The following UBE2E1 variants were observed in gnomAD, a reference collection of about 807,000 sequenced individuals.
The protein encoded by UBE2E1 is ubiquitin-conjugating enzyme E2 E1.
UBE2E1 carries 6 observed loss-of-function variants against 21.4 expected under a neutral mutation model. The observed-to-expected ratio is 0.28, with a 90% confidence interval of 0.15 to 0.55. The LOEUF is 0.55. Ranked by LOEUF, UBE2E1 falls within the 20% of genes least tolerant of loss-of-function variation. UBE2E1 has a pLI of 0.93. For missense variants in UBE2E1, 142 were observed against 236.5 expected (o/e 0.60, Z 2.62); for synonymous variants, 87 against 82.7 (o/e 1.05, Z -0.28).
intron 3 of UBE2E1, among the ~76,000 whole-genome samples, chr3:23,859,953 C>T (rs184148233): frequency 3.5e-4 from 54 of 152,246 alleles, no homozygotes; most frequent in African/African-American, 1.3e-3. Flanking sequence ...CTAACAGTCC[C>T]GACTGCTGGA....
chr3:23,880,152 G>T (rs1458132773), intron 3 of UBE2E1, among the ~76,000 whole-genome samples: 1 of 152,232 alleles, frequency 6.6e-6, no homozygotes, highest in Non-Finnish European at 1.5e-5. Context: ...GGAGGCTGAG[G>T]CGGGCGGATC....
chr3:23,840,848 C>T lies in UBE2E1; in HGVS notation c.203+29338C>T, dbSNP rs561344898. 3.3e-5 allele frequency among the ~76,000 whole-genome samples: 5 copies of T among 152,264 alleles called. No homozygotes were observed. In the South Asian group the frequency reaches 8.3e-4, roughly 25 times the overall value. On this transcript the variant is annotated intron_variant, in intron 3 of 5. Transcript: ENST00000306627. ...AGGTTATTCCTTCCTGCACCACAGG[C>T]GATTGTAGGTCTCAATATATTTAGT...
intron 3 of UBE2E1, 57 bp downstream of exon 3, chr3:23,811,567 GT>G: frequency 6.5e-7 from 1 of 1,538,956 alleles, no homozygotes; most frequent in Non-Finnish European, 8.9e-7. Flanking sequence ...TTTGTCTTGG[GT>G]TTTTCTTTTT....
chr3:23,850,095 A>G (rs778193999), intron 3 of UBE2E1, among the ~76,000 whole-genome samples: 3 of 152,110 alleles, frequency 2.0e-5, no homozygotes, highest in Non-Finnish European at 2.9e-5. Context: ...TGTCTTTTAG[A>G]TATTTTGCCT....
chr3:23,885,880 C>T (rs981346618), intron 3 of UBE2E1, among the ~76,000 whole-genome samples: 1 of 150,668 alleles, frequency 6.6e-6, no homozygotes, highest in African/African-American at 2.5e-5. Flanking sequence ...ACAAAAAAAA[C>T]AAAACAAACA....
intron 3 of UBE2E1, among the ~76,000 whole-genome samples, chr3:23,856,710 T>A (rs1306502623): frequency 6.6e-6 from 1 of 152,108 alleles, no homozygotes; most frequent in African/African-American, 2.4e-5. Context: ...CCTGACAGAT[T>A]AGCAGGAAAA....
At chr3:23,819,164 G>T (rs1263681629) in intron 3 of UBE2E1, among the ~76,000 whole-genome samples, 1 of 152,020 alleles carries the variant, frequency 6.6e-6, no homozygotes, top group Non-Finnish European at 1.5e-5. Flanking sequence ...CGCGCCTGTA[G>T]TCCCAGCTAC....
At chr3:23,821,114 A>G (rs751895983) in intron 3 of UBE2E1, among the ~76,000 whole-genome samples, 2 of 152,212 alleles carry the variant, frequency 1.3e-5, no homozygotes, top group Non-Finnish European at 2.9e-5. Context: ...AGGTGACTAA[A>G]ACAGACCTGG....
chr3:23,817,118 C>A (rs1699539091), intron 3 of UBE2E1, among the ~76,000 whole-genome samples: 1 of 152,084 alleles, frequency 6.6e-6, no homozygotes, highest in African/African-American at 2.4e-5. Context: ...TTGTTAAATT[C>A]CTGTCACAAA....
intron 3 of UBE2E1, among the ~76,000 whole-genome samples, chr3:23,833,794 C>A (rs777322408): frequency 1.3e-5 from 2 of 152,084 alleles, no homozygotes; most frequent in Non-Finnish European, 2.9e-5. Context: ...GCTAGAAGTT[C>A]AAGACAAACC....
intron 3 of UBE2E1, among the ~76,000 whole-genome samples, chr3:23,878,784 G>A (rs916249662): frequency 2.0e-5 from 3 of 152,168 alleles, no homozygotes; most frequent in African/African-American, 2.4e-5. Context: ...AAACAAGCTC[G>A]GGGGCTCCCC....
chr3:23,861,465 C>G (rs1251821267), intron 3 of UBE2E1, among the ~76,000 whole-genome samples: 4 of 152,160 alleles, frequency 2.6e-5, no homozygotes, highest in Admixed American at 6.5e-5. Flanking sequence ...GCGAGGGCTC[C>G]ACCCCCGGGC....
At chr3:23,807,169 A>T in intron 1 of UBE2E1, 68 bp from the exon 2 acceptor site, 2 of 1,369,386 alleles carry the variant, frequency 1.5e-6, no homozygotes, top group Non-Finnish European at 1.9e-6. Flanking sequence ...TCCTGACAGC[A>T]CCCGAGTTCC....
rs1480922179 is a variant in UBE2E1, at chr3:23,870,495, G to A, written c.204-17072G>A. ...GCAGAGCAGCTTTAAGCACAGAGGCGCAGATAGGGGTAGCTAGAACTTGGC... is the reference window on the plus strand; with the variant it reads ...GCAGAGCAGCTTTAAGCACAGAGGCACAGATAGGGGTAGCTAGAACTTGGC... On this transcript the variant is annotated intron_variant, in intron 3 of 5. Coordinates refer to ENST00000306627, the MANE Select transcript of UBE2E1 (RefSeq NM_003341.5). The surrounding 1 kb of genome is among the most constrained non-coding windows in gnomAD (Gnocchi z 4.2). Among the ~76,000 whole-genome samples, 4 of 152,118 alleles carry A rather than the reference G, an allele frequency of 2.6e-5. No homozygotes were observed. The highest frequency in any genetic ancestry group is 4.8e-5 in the African/African-American group (2 of 41,436).
At chr3:23,869,419 C>CTGTGTGTGTGTGTGTGTG (rs4024641) in intron 3 of UBE2E1, among the ~76,000 whole-genome samples, 57 of 132,562 alleles carry the variant, frequency 4.3e-4, no homozygotes, top group African/African-American at 1.6e-3. Flanking sequence ...TGGTCTTTTC[C>CTGTGTGTGTGTGTGTGTG]TGTGTGTGTG....
chr3:23,875,071 C>T (rs1404733443), intron 3 of UBE2E1, among the ~76,000 whole-genome samples: 1 of 152,184 alleles, frequency 6.6e-6, no homozygotes, highest in Non-Finnish European at 1.5e-5. Context: ...TAACCCTTTA[C>T]TTACAAGTTA....
At chr3:23,811,238 A>C (rs962176010) in intron 2 of UBE2E1, among the ~76,000 whole-genome samples, 2 of 152,186 alleles carry the variant, frequency 1.3e-5, no homozygotes, top group African/African-American at 4.8e-5. Flanking sequence ...TTGGAAGCCA[A>C]ACTTTGCAGA....
chr3:23,833,822 C>T (rs1452774859), intron 3 of UBE2E1, among the ~76,000 whole-genome samples: 1 of 152,072 alleles, frequency 6.6e-6, no homozygotes, highest in Middle Eastern at 3.2e-3. Flanking sequence ...CACAGCGAGA[C>T]CCTATCTCTA....
chr3:23,869,257 T>C (rs73034787), intron 3 of UBE2E1, among the ~76,000 whole-genome samples: 5,889 of 152,184 alleles, frequency 0.039, 176 homozygotes, highest in African/African-American at 0.076. Flanking sequence ...CTGTGTACTT[T>C]ATCCATTATT....
Sources: gnomAD v4.1 joint callset for allele counts (sites outside exome capture counted in the v4.1 genomes callset) on GRCh38, gnomAD v4.1.1 for gene constraint, Gnocchi (gnomAD v3.1) non-coding constraint, MANE v1.5 for transcripts, NCBI Gene and HGNC (gene_info 2026-07-23, HGNC 2026-07-21) for gene names.